The following STXBP5L variants were observed in gnomAD, a reference collection of about 807,000 sequenced individuals.
STXBP5L encodes syntaxin-binding protein 5-like.
A neutral mutation model predicts 144.5 loss-of-function variants in STXBP5L; 65 were observed. The ratio of observed to expected loss-of-function variants is 0.45; its 90% CI spans 0.37 to 0.55. The LOEUF is 0.55. STXBP5L is among the 20% of genes least tolerant of loss of function. The probability of loss-of-function intolerance (pLI) is 0.00; values close to 1 mark genes in which losing one functional copy is unlikely to be tolerated. For synonymous variants in STXBP5L, 505 were observed against 469.6 expected (o/e 1.08, Z -0.97); for missense variants, 1,298 against 1,405.5 (o/e 0.92, Z 1.22).
intron 5 of STXBP5L, among the ~76,000 whole-genome samples, chr3:121,087,479 C>T (rs904614516): frequency 3.3e-5 from 5 of 151,976 alleles, no homozygotes; most frequent in African/African-American, 1.2e-4. Flanking sequence ...CATTATCTAA[C>T]ATAATATAGT....
At chr3:121,353,854 A>G (rs189148672) in intron 20 of STXBP5L, among the ~76,000 whole-genome samples, 4 of 152,334 alleles carry the variant, frequency 2.6e-5, no homozygotes, top group African/African-American at 9.6e-5. Flanking sequence ...ACTGCTTTAA[A>G]TGTGTCCCAG....
chr3:121,093,813 G>A (rs530961813), intron 5 of STXBP5L, among the ~76,000 whole-genome samples: 1 of 152,132 alleles, frequency 6.6e-6, no homozygotes, highest in South Asian at 2.1e-4. Flanking sequence ...CCTTCTGCTA[G>A]CTTTTGAATG....
intron 2 of STXBP5L, among the ~76,000 whole-genome samples, chr3:120,938,785 CTTTTTT>C: frequency 6.6e-6 from 1 of 151,958 alleles, no homozygotes; most frequent in Non-Finnish European, 1.5e-5. Context: ...CTTTCTTTTT[CTTTTTT>C]CTTCTTAGAG....
At chr3:121,023,951 A>G (rs1309235928) in intron 3 of STXBP5L, among the ~76,000 whole-genome samples, 1 of 151,714 alleles carries the variant, frequency 6.6e-6, no homozygotes, top group Non-Finnish European at 1.5e-5. Context: ...GTAGAGATGG[A>G]GTTTCACCGT....
At chr3:121,085,545 G>A (rs1481880004) in intron 5 of STXBP5L, among the ~76,000 whole-genome samples, 1 of 152,122 alleles carries the variant, frequency 6.6e-6, no homozygotes, top group African/African-American at 2.4e-5. Context: ...GACAAACAGA[G>A]AGCCAAATCA....
At chr3:121,346,053 A>T (rs1056269469) in intron 20 of STXBP5L, among the ~76,000 whole-genome samples, 4 of 151,778 alleles carry the variant, frequency 2.6e-5, no homozygotes, top group Admixed American at 6.6e-5. Flanking sequence ...TGCTGCACCC[A>T]CTAACTCATC....
chr3:120,938,386 G>T (rs1372280366), intron 2 of STXBP5L, among the ~76,000 whole-genome samples: 1 of 152,034 alleles, frequency 6.6e-6, no homozygotes, highest in African/African-American at 2.4e-5. Flanking sequence ...ATGTCTTTGT[G>T]CATCTTTATA....
intron 3 of STXBP5L, among the ~76,000 whole-genome samples, chr3:120,957,846 G>T (rs1219649132): frequency 1.1e-4 from 16 of 152,156 alleles, no homozygotes; most frequent in Non-Finnish European, 2.4e-4. Flanking sequence ...ACAATTAAAA[G>T]AACTAGAGAA....
intron 21 of STXBP5L, among the ~76,000 whole-genome samples, chr3:121,379,661 C>T (rs989570729): frequency 3.9e-5 from 6 of 152,084 alleles, no homozygotes; most frequent in African/African-American, 1.4e-4. Flanking sequence ...TTATGCTATA[C>T]TAAATCTGAT....
At chr3:121,417,898 C>G (rs900062172) in intron 25 of STXBP5L, among the ~76,000 whole-genome samples, 1 of 151,742 alleles carries the variant, frequency 6.6e-6, no homozygotes, top group Non-Finnish European at 1.5e-5. Context: ...GAGAGAGAGA[C>G]AGAAAGAGAG....
chr3:120,957,008 T>G (rs985016377), intron 3 of STXBP5L, among the ~76,000 whole-genome samples: 2 of 151,968 alleles, frequency 1.3e-5, no homozygotes, highest in African/African-American at 4.8e-5. Flanking sequence ...TTGTATATAG[T>G]AAAAGGGTCT....
chr3:121,177,577 C>G (rs1388968283), intron 9 of STXBP5L, among the ~76,000 whole-genome samples: 1 of 152,078 alleles, frequency 6.6e-6, no homozygotes, highest in Non-Finnish European at 1.5e-5. Flanking sequence ...ACCTCACATC[C>G]ATTAGGATGA....
intron 9 of STXBP5L, among the ~76,000 whole-genome samples, chr3:121,196,209 G>A (rs1447133594): frequency 6.6e-6 from 1 of 151,514 alleles, no homozygotes; most frequent in Non-Finnish European, 1.5e-5. Flanking sequence ...ACCCAGGCTG[G>A]AGTGCAGTGG....
At chr3:120,969,363 G>A (rs1440294762) in intron 3 of STXBP5L, among the ~76,000 whole-genome samples, 1 of 145,754 alleles carries the variant, frequency 6.9e-6, no homozygotes, top group Non-Finnish European at 1.5e-5. Flanking sequence ...ATCTATTCAT[G>A]TCCTTTGCTC....
At chr3:121,070,492 A>G (rs571934965) in intron 5 of STXBP5L, among the ~76,000 whole-genome samples, 1 of 152,142 alleles carries the variant, frequency 6.6e-6, no homozygotes, top group Non-Finnish European at 1.5e-5. Flanking sequence ...TAAAATTTCT[A>G]TTACTACTAC....
chr3:121,167,010 A>G (rs2046526367), intron 9 of STXBP5L, among the ~76,000 whole-genome samples: 1 of 152,170 alleles, frequency 6.6e-6, no homozygotes, highest in Non-Finnish European at 1.5e-5. Context: ...GAAGGAGCCT[A>G]AAAATATGCC....
intron 3 of STXBP5L, among the ~76,000 whole-genome samples, chr3:120,978,424 G>A (rs1941344791): frequency 6.6e-6 from 1 of 152,078 alleles, no homozygotes; most frequent in South Asian, 2.1e-4. Flanking sequence ...CTCTGTATTG[G>A]TTATTCTAGT....
intron 5 of STXBP5L, among the ~76,000 whole-genome samples, chr3:121,083,903 T>G (rs2042368396): frequency 6.6e-6 from 1 of 152,154 alleles, no homozygotes; most frequent in South Asian, 2.1e-4. Context: ...TGTTATCATT[T>G]TCAAAGCTGC....
intron 5 of STXBP5L, among the ~76,000 whole-genome samples, chr3:121,079,198 C>A (rs887867452): frequency 6.6e-6 from 1 of 152,242 alleles, no homozygotes; most frequent in Admixed American, 6.5e-5. Context: ...AGTCTGAGCC[C>A]TGAAGAAAGG....
Sources: gnomAD v4.1 joint callset for allele counts (sites outside exome capture counted in the v4.1 genomes callset) on GRCh38, gnomAD v4.1.1 for gene constraint, MANE v1.5 for transcripts, NCBI Gene and HGNC (gene_info 2026-07-23, HGNC 2026-07-21) for gene names.